The following PARP8 variants were observed in gnomAD, a reference collection of about 807,000 sequenced individuals.
PARP8 encodes poly(ADP-ribose) polymerase family member 8, also known as protein mono-ADP-ribosyltransferase PARP8.
A neutral mutation model predicts 124.1 loss-of-function variants in PARP8; 51 were observed. The observed-to-expected ratio is 0.41, with a 90% confidence interval of 0.33 to 0.52. The LOEUF (loss-of-function observed/expected upper bound fraction) is 0.52. Ranked by LOEUF, PARP8 falls within the 20% of genes least tolerant of loss-of-function variation. The pLI is 0.21. For missense variants in PARP8, 860 were observed against 1,018.9 expected, an observed-to-expected ratio of 0.84 and a Z score of 2.12; for synonymous variants, 391 against 361.5, an observed-to-expected ratio of 1.08 and a Z score of -0.93.
chr5:50,837,443 G>A (rs528323798), intron 25 of PARP8, among the ~76,000 whole-genome samples: 29 of 152,152 alleles, frequency 1.9e-4, no homozygotes, highest in African/African-American at 2.4e-5. Context: ...AGAATAAATC[G>A]ATGAGAATGA....
At position 50,746,446 on chromosome 5, in the gene PARP8, C is replaced by T. The variant is rs376097408; in HGVS notation, c.147-3705C>T. ...ATGTCAGTTTCCAGGATTTGATATT[C>T]TACTGTAGGTACATAACATGTAAGC... On this transcript the variant is annotated intron_variant, in intron 2 of 25. Coordinates refer to ENST00000281631, the MANE Select transcript of PARP8 (RefSeq NM_024615.4). 2.0e-3 allele frequency among the ~76,000 whole-genome samples: 297 copies of T among 152,214 alleles called. 3 individuals are homozygous for T. The highest frequency in any genetic ancestry group is 6.8e-3 in the African/African-American group (281 of 41,524).
chr5:50,720,216 G>A (rs746196981), intron 2 of PARP8, among the ~76,000 whole-genome samples: 2 of 152,002 alleles, frequency 1.3e-5, no homozygotes, highest in Non-Finnish European at 2.9e-5. Context: ...TCTAACTCGC[G>A]GCAGCAGTTT....
At chr5:50,786,740 C>T (rs1196268061) in intron 9 of PARP8, among the ~76,000 whole-genome samples, 1 of 152,056 alleles carries the variant, frequency 6.6e-6, no homozygotes, top group Non-Finnish European at 1.5e-5. Flanking sequence ...CATTCCTCCC[C>T]AGCCTTCTTT....
At chr5:50,833,762 C>G (rs1276736030) in intron 23 of PARP8, among the ~76,000 whole-genome samples, 1 of 151,888 alleles carries the variant, frequency 6.6e-6, no homozygotes, top group African/African-American at 2.4e-5. Flanking sequence ...TAGCATTTTT[C>G]AGTTCACTTA....
At chr5:50,674,586 C>A (rs1358946824) in intron 2 of PARP8, among the ~76,000 whole-genome samples, 1 of 152,224 alleles carries the variant, frequency 6.6e-6, no homozygotes, top group Non-Finnish European at 1.5e-5. Flanking sequence ...ACAGCTTTTT[C>A]CATATAGACC....
At chr5:50,752,138 ATTAAATC>A (rs989013801) in intron 3 of PARP8, among the ~76,000 whole-genome samples, 126 of 152,222 alleles carry the variant, frequency 8.3e-4, no homozygotes, top group African/African-American at 3.0e-3. Context: ...AAAAATGAAT[ATTAAATC>A]TTTATCAAAC....
chr5:50,759,218 C>A (rs998427803), intron 3 of PARP8, among the ~76,000 whole-genome samples: 1 of 152,068 alleles, frequency 6.6e-6, no homozygotes, highest in African/African-American at 2.4e-5. Flanking sequence ...TGTGCCCGGC[C>A]CACTAATAAA....
intron 2 of PARP8, among the ~76,000 whole-genome samples, chr5:50,687,012 C>T (rs897817892): frequency 3.9e-5 from 6 of 152,172 alleles, no homozygotes; most frequent in African/African-American, 1.4e-4. Flanking sequence ...CTTCTAGTTA[C>T]TTATGCAAAT....
intron 9 of PARP8, among the ~76,000 whole-genome samples, chr5:50,780,622 A>G (rs1740560699): frequency 6.6e-6 from 1 of 152,024 alleles, no homozygotes; most frequent in South Asian, 2.1e-4. Flanking sequence ...GTTCAGTACA[A>G]CTCCTTTAGT....
chr5:50,739,902 C>G (rs1757871054), intron 2 of PARP8, among the ~76,000 whole-genome samples: 1 of 151,358 alleles, frequency 6.6e-6, no homozygotes, highest in Non-Finnish European at 1.5e-5. Context: ...GCACCCACCA[C>G]CACGCCTGGC....
intron 8 of PARP8, among the ~76,000 whole-genome samples, 154 bp from the exon 9 acceptor site, chr5:50,778,406 C>A (rs750067490): frequency 6.6e-6 from 1 of 151,846 alleles, no homozygotes; most frequent in Non-Finnish European, 1.5e-5. Flanking sequence ...ACATAGAAGG[C>A]CAATATTTTC....
At chr5:50,779,627 T>C (rs1362159625) in intron 9 of PARP8, among the ~76,000 whole-genome samples, 2 of 152,212 alleles carry the variant, frequency 1.3e-5, no homozygotes, top group Admixed American at 6.5e-5. Context: ...TAGTGAGTCT[T>C]TCATTGTATT....
intron 3 of PARP8, among the ~76,000 whole-genome samples, chr5:50,758,293 G>A (rs1311855131): frequency 1.3e-5 from 2 of 152,144 alleles, no homozygotes; most frequent in African/African-American, 4.8e-5. Context: ...ATTTGTGATT[G>A]CACTAATCCA....
At chr5:50,801,412 T>C (rs1174125180) in intron 14 of PARP8, among the ~76,000 whole-genome samples, 1 of 152,188 alleles carries the variant, frequency 6.6e-6, no homozygotes. Flanking sequence ...AATTATCTAT[T>C]TTATTTTGGG....
intron 2 of PARP8, among the ~76,000 whole-genome samples, chr5:50,736,379 C>G (rs1186774639): frequency 1.3e-5 from 2 of 152,116 alleles, no homozygotes; most frequent in African/African-American, 4.8e-5. Flanking sequence ...AATGGATATG[C>G]TATTACTTAA....
intron 2 of PARP8, among the ~76,000 whole-genome samples, chr5:50,670,795 G>A (rs1749921369): frequency 6.6e-6 from 1 of 152,146 alleles, no homozygotes; most frequent in Non-Finnish European, 1.5e-5. Context: ...CTCCATTAGT[G>A]TTTTCAAGCT....
intron 7 of PARP8, among the ~76,000 whole-genome samples, chr5:50,764,968 A>G (rs1346532029): frequency 3.3e-5 from 5 of 151,646 alleles, no homozygotes; most frequent in Non-Finnish European, 7.4e-5. Context: ...TTTTTGAAAT[A>G]TATATTTTGG....
chr5:50,835,294 A>G (rs1442083755), intron 25 of PARP8, among the ~76,000 whole-genome samples: 1 of 152,180 alleles, frequency 6.6e-6, no homozygotes, highest in African/African-American at 2.4e-5. Context: ...TGTAATCCCA[A>G]TACTTTGGGA....
intron 2 of PARP8, chr5:50,739,050 TCATTCA>T (rs1561309832): frequency 1.4e-6 from 1 of 702,548 alleles, no homozygotes; most frequent in South Asian, 1.5e-5. Context: ...GTCTGCTTCC[TCATTCA>T]CATCTAGGAG....
Sources: gnomAD v4.1 joint callset for allele counts (sites outside exome capture counted in the v4.1 genomes callset) on GRCh38, gnomAD v4.1.1 for gene constraint, MANE v1.5 for transcripts, NCBI Gene and HGNC (gene_info 2026-07-23, HGNC 2026-07-21) for gene names.